Variants in PIK3AP1 observed in about 807,000 individuals in gnomAD.
PIK3AP1 encodes phosphoinositide 3-kinase adapter protein 1.
PIK3AP1 carries 21 observed loss-of-function variants against 88.1 expected under a neutral mutation model. The ratio of observed to expected loss-of-function variants is 0.24; its 90% CI spans 0.17 to 0.34. PIK3AP1 has a LOEUF of 0.34. Ranked by LOEUF, PIK3AP1 falls within the 10% of genes least tolerant of loss-of-function variation. The pLI is 1.00. For missense variants in PIK3AP1, 828 were observed against 1,035.7 expected (o/e 0.80, Z 2.75); for synonymous variants, 398 against 400.0 (o/e 1.00, Z 0.06).
chr10:96,710,409 A>G (rs1682740248), intron 1 of PIK3AP1, among the ~76,000 whole-genome samples: 1 of 151,996 alleles, frequency 6.6e-6, no homozygotes, highest in Non-Finnish European at 1.5e-5. Context: ...TTTAGTAGAG[A>G]TGGGGTTTCA....
chr10:96,702,918 C>T (rs1844318263), intron 2 of PIK3AP1, among the ~76,000 whole-genome samples: 3 of 152,106 alleles, frequency 2.0e-5, no homozygotes, highest in Admixed American at 2.0e-4. Flanking sequence ...GCTCTGTCTC[C>T]CAGGCTGGAG....
At chr10:96,650,335 T>TG (rs1589514721) in intron 6 of PIK3AP1, among the ~76,000 whole-genome samples, 1 of 152,140 alleles carries the variant, frequency 6.6e-6, no homozygotes, top group East Asian at 1.9e-4. Context: ...AGTGCAACCA[T>TG]GGCATGAAGG....
chr10:96,709,131 CAAA>C (rs113424134), intron 2 of PIK3AP1, among the ~76,000 whole-genome samples: 5 of 79,626 alleles, frequency 6.3e-5, no homozygotes, highest in Non-Finnish European at 9.5e-5. Context: ...GACTCCGACT[CAAA>C]AAAAAAAAAA....
intron 13 of PIK3AP1, among the ~76,000 whole-genome samples, chr10:96,613,908 C>T (rs939906897): frequency 5.3e-5 from 8 of 152,190 alleles, no homozygotes; most frequent in African/African-American, 1.9e-4. Flanking sequence ...GGCACTTTCA[C>T]TTTTACCATT....
chr10:96,602,415 GAGAA>G lies in PIK3AP1; in HGVS notation c.2242-21_2242-18del. On this transcript the variant is annotated intron_variant, in intron 15 of 16. Coordinates refer to ENST00000339364, the MANE Select transcript of PIK3AP1 (RefSeq NM_152309.3). ...TTCATTATCCTACAGCAAAGAAGAT[GAGAA>G]AGAAAGGCGAAAACTACATTCAGCA... The G allele has an allele frequency of 6.3e-7, 1 of 1,598,280 alleles. No individual in the cohort carries two copies. The highest frequency in any genetic ancestry group is 1.7e-5 in the Admixed American group (1 of 59,856).
rs113832662 is a variant in PIK3AP1 at position 96,637,729 on chromosome 10, C to G, written c.1375+7744G>C. Among the ~76,000 whole-genome samples the G allele has an allele frequency of 1.7e-3, 255 of 152,130 alleles. 2 individuals are homozygous for G. Among genetic ancestry groups the G allele is most frequent in the African/African-American group, 6.0e-3 (248 of 41,486 alleles). On this transcript the variant is annotated intron_variant, in intron 8 of 16. Transcript: ENST00000339364. ...AGGGTGTTTCCAGAAAAGGAGCATG[C>G]GAGTAGAAAAGATCCACCCTCAAGG...
intron 10 of PIK3AP1, among the ~76,000 whole-genome samples, chr10:96,624,855 AC>A (rs1387180086): frequency 6.6e-6 from 1 of 152,042 alleles, no homozygotes. Flanking sequence ...TTGAGGAATC[AC>A]CTGTGCCCCT....
chr10:96,632,763 T>C lies in PIK3AP1; in HGVS notation c.1376-4270A>G, dbSNP rs1328578841. On this transcript the variant is annotated intron_variant, in intron 8 of 16. Coordinates refer to ENST00000339364, the MANE Select transcript of PIK3AP1 (RefSeq NM_152309.3). ...GTGTCTCACAGGATGATTAGAAGCG[T>C]GGGCATTAGGATCGCAATGCATAGG... 9.2e-6 allele frequency: 11 copies of C among 1,197,214 alleles called. No homozygotes were observed. The Admixed American group carries it at 2.8e-4, about 31-fold the overall frequency. The allele number at this position is 1,197,214 out of a possible 1,614,324, so 74.2% of individuals were successfully genotyped here. A position where few individuals can be genotyped will look rare whatever the true frequency, so the allele number is the denominator to read the frequency against.
At chr10:96,619,766 TCTC>T (rs1843051406) in intron 12 of PIK3AP1, among the ~76,000 whole-genome samples, 1 of 152,208 alleles carries the variant, frequency 6.6e-6, no homozygotes, top group Non-Finnish European at 1.5e-5. Context: ...ATCCCAGTCT[TCTC>T]CTGAGAGGTG....
In PIK3AP1 at chr10:96,648,813, G is replaced by C. The variant is rs776888722; in HGVS notation, c.1031C>G (p.Ala344Gly). The C allele has an allele frequency of 6.3e-7, 1 of 1,595,564 alleles. No individual in the cohort carries two copies. Among genetic ancestry groups the C allele is most frequent in the South Asian group, 1.1e-5 (1 of 88,056 alleles). ...EELPTLLHFA[A>G]KYGLKNLTAL... The stretch of plus-strand genomic sequence containing the variant: ...AGTGAGGTTCTTCAGTCCATACTTC[G>C]CAGCAAAATGCAACAGGGTGGGCAG... The change falls in exon 7 of 17, where the codon GCG becomes GGG. Residue 344 changes from alanine (A) to glycine (G), a missense_variant. Physicochemically the swap from Ala to Gly is moderately conservative, Grantham distance 60 (BLOSUM62 0). Around this residue, in one of 3 missense-constraint regions of PIK3AP1, gnomAD observed 610 missense variants for 760.1 expected, o/e 0.80. Transcript: ENST00000339364.
At chr10:96,623,006 T>C (rs1337375088) in intron 11 of PIK3AP1, among the ~76,000 whole-genome samples, 2 of 152,186 alleles carry the variant, frequency 1.3e-5, no homozygotes, top group Non-Finnish European at 2.9e-5. Flanking sequence ...TTTCATCCTG[T>C]TGGCATCAAC....
chr10:96,709,144 A>AC (rs1168144672), intron 2 of PIK3AP1, among the ~76,000 whole-genome samples: 3 of 151,520 alleles, frequency 2.0e-5, no homozygotes, highest in African/African-American at 4.8e-5. Flanking sequence ...AAAAAAAAAA[A>AC]AAAAAACCCT....
intron 8 of PIK3AP1, among the ~76,000 whole-genome samples, chr10:96,636,069 A>G (rs1843308167): frequency 6.6e-6 from 1 of 151,896 alleles, no homozygotes; most frequent in South Asian, 2.1e-4. Flanking sequence ...CAACAACAAA[A>G]TTAGCCAGGC....
chr10:96,623,233 T>C (rs1843111073), intron 11 of PIK3AP1, among the ~76,000 whole-genome samples: 1 of 152,084 alleles, frequency 6.6e-6, no homozygotes, highest in Non-Finnish European at 1.5e-5. Flanking sequence ...AATTAATTAA[T>C]TTATTTAATT....
intron 2 of PIK3AP1, among the ~76,000 whole-genome samples, chr10:96,701,144 G>T (rs1291576612): frequency 6.6e-6 from 1 of 152,180 alleles, no homozygotes; most frequent in Admixed American, 6.5e-5. Flanking sequence ...TCTGGGGTGG[G>T]GCCCAGGTAT....
intron 8 of PIK3AP1, among the ~76,000 whole-genome samples, chr10:96,629,490 G>A (rs917614762): frequency 2.6e-5 from 4 of 151,822 alleles, no homozygotes; most frequent in Non-Finnish European, 5.9e-5. Flanking sequence ...TGAAGATTCA[G>A]AATCTTCAAA....
chr10:96,711,781 C>A (rs867411235), intron 1 of PIK3AP1, among the ~76,000 whole-genome samples: 1 of 106,626 alleles, frequency 9.4e-6, no homozygotes, highest in Non-Finnish European at 1.7e-5. Flanking sequence ...GACGGAGTCT[C>A]GCTCTGTCGC....
chr10:96,667,140 C>T (rs112075896), intron 2 of PIK3AP1, among the ~76,000 whole-genome samples: 259 of 152,356 alleles, frequency 1.7e-3, no homozygotes, highest in African/African-American at 6.0e-3. Context: ...ATGGAACCAT[C>T]CATGGTCTTC....
intron 7 of PIK3AP1, among the ~76,000 whole-genome samples, chr10:96,647,757 C>T (rs187221558): frequency 5.6e-4 from 86 of 152,268 alleles, no homozygotes; most frequent in African/African-American, 1.9e-3. Context: ...AGAGCAAGAC[C>T]GGGCTGTGTT....
Sources: gnomAD v4.1 joint callset for allele counts (sites outside exome capture counted in the v4.1 genomes callset) on GRCh38, gnomAD v4.1.1 for gene constraint, gnomAD v4.1.1 regional missense constraint, MANE v1.5 for transcripts, NCBI Gene and HGNC (gene_info 2026-07-23, HGNC 2026-07-21) for gene names.